PLCG2: variants seen among roughly 807,000 people sequenced by gnomAD.
The protein encoded by PLCG2 is phospholipase C gamma 2.
PLCG2 carries 69 observed loss-of-function variants against 175.6 expected under a neutral mutation model. The ratio of observed to expected loss-of-function variants is 0.39; its 90% CI spans 0.32 to 0.48. The LOEUF (loss-of-function observed/expected upper bound fraction) is 0.48, where lower values mean the gene tolerates loss of function less well. Among genes scored for constraint, PLCG2 ranks in the 20% least tolerant of loss-of-function variants. PLCG2 has a pLI of 0.91. For synonymous variants in PLCG2, 827 were observed against 624.0 expected (o/e 1.33, Z -4.85); for missense variants, 1,798 against 1,650.9 (o/e 1.09, Z -1.54).
intron 2 of PLCG2, among the ~76,000 whole-genome samples, chr16:81,818,883 A>ATGTTTTTTTTT (rs1904669462): frequency 1.9e-5 from 2 of 106,644 alleles, no homozygotes; most frequent in Non-Finnish European, 3.6e-5. Context: ...GGGCTCATGG[A>ATGTTTTTTTTT]TTTTTTTTTT....
intron 5 of PLCG2, among the ~76,000 whole-genome samples, chr16:81,861,109 C>G (rs1026503110): frequency 7.9e-5 from 12 of 152,146 alleles, no homozygotes; most frequent in Non-Finnish European, 1.3e-4. Flanking sequence ...ATTTGGCATG[C>G]CAGGGATTGC....
In PLCG2 at chr16:81,834,588, C is replaced by T. The variant is rs201949878; in HGVS notation, c.194-19856C>T. The stretch of plus-strand genomic sequence containing the variant: ...ACGTGGTTGATAGACCCTGGATCTG[C>T]AGAGCTGCTGCTGCTGCTGCTGCTG... On this transcript the variant is annotated intron_variant, in intron 2 of 32. Transcript: ENST00000564138. Among the ~76,000 whole-genome samples the T allele has an allele frequency of 3.6e-4, 31 of 85,058 alleles. No individual in the cohort carries two copies. The East Asian group carries it at 0.014, about 38-fold the overall frequency. 55.8% of individuals were successfully genotyped at this position (85,058 alleles called of 152,430 possible). A position where few individuals can be genotyped will look rare whatever the true frequency, so the allele number is the denominator to read the frequency against.
At chr16:81,902,173 C>G (rs1909179101) in intron 14 of PLCG2, among the ~76,000 whole-genome samples, 1 of 152,214 alleles carries the variant, frequency 6.6e-6, no homozygotes, top group African/African-American at 2.4e-5. Flanking sequence ...ACTGTGGAAT[C>G]TGAAGTCCCT....
At chr16:81,870,569 G>C (rs1377220270) in intron 6 of PLCG2, among the ~76,000 whole-genome samples, 1 of 152,214 alleles carries the variant, frequency 6.6e-6, no homozygotes, top group African/African-American at 2.4e-5. Flanking sequence ...GTGTCTCTGT[G>C]AGTATGTTTT....
At chr16:81,902,915 C>T (rs1375475901) in intron 14 of PLCG2, among the ~76,000 whole-genome samples, 1 of 152,162 alleles carries the variant, frequency 6.6e-6, no homozygotes, top group African/African-American at 2.4e-5. Context: ...AACCAGATCT[C>T]ATGAGATGTG....
At chr16:81,951,660 G>A (rs1000848075) in intron 31 of PLCG2, among the ~76,000 whole-genome samples, 12 of 152,142 alleles carry the variant, frequency 7.9e-5, no homozygotes, top group Admixed American at 3.3e-4. Context: ...AATGTCATGT[G>A]TGAATATAGA....
intron 31 of PLCG2, among the ~76,000 whole-genome samples, chr16:81,948,884 A>AACAG (rs1911258039): frequency 1.3e-5 from 2 of 152,214 alleles, no homozygotes; most frequent in Non-Finnish European, 1.5e-5. Context: ...ACACACCTGG[A>AACAG]ATAGATGGCT....
intron 31 of PLCG2, among the ~76,000 whole-genome samples, chr16:81,946,858 G>C (rs1397438214): frequency 1.3e-5 from 2 of 151,832 alleles, no homozygotes; most frequent in African/African-American, 4.8e-5. Flanking sequence ...CTGGGCTTTA[G>C]CAGAAGCCTT....
In PLCG2 at chr16:81,768,879, TTTTTTA is replaced by T. The variant is rs947656297; in HGVS notation, c.-48+12918_-48+12923del. On this transcript the variant is annotated intron_variant, in intron 2 of 5. Coordinates refer to the PLCG2 transcript ENST00000565054. ...ACCGTGCCCAGCCTATTGTCAGTGG[TTTTTTA>T]TTTTAACCATTTTAATAGGTGCGTA... Among the ~76,000 whole-genome samples the T allele has an allele frequency of 5.3e-5, 8 of 151,942 alleles. No individual in the cohort carries two copies. The South Asian group carries it at 8.3e-4, about 16-fold the overall frequency.
chr16:81,774,849 A>T (rs139093804), upstream of PLCG2, among the ~76,000 whole-genome samples: 4 of 151,260 alleles, frequency 2.6e-5, no homozygotes, highest in East Asian at 7.8e-4. Flanking sequence ...GGCTTAAGTG[A>T]TCCTCTTGCC....
At chr16:81,856,961 G>C (rs932042696) in intron 3 of PLCG2, among the ~76,000 whole-genome samples, 3 of 152,222 alleles carry the variant, frequency 2.0e-5, no homozygotes, top group African/African-American at 7.2e-5. Context: ...GCCTCCAGAA[G>C]CTGGGAAAGG....
At chr16:81,771,977 T>C (rs577933738) in intron 2 of PLCG2, among the ~76,000 whole-genome samples, 76 of 152,238 alleles carry the variant, frequency 5.0e-4, no homozygotes, top group African/African-American at 1.8e-3. Flanking sequence ...GAGACGGGGT[T>C]TCACCATGTT....
At position 81,962,583 on chromosome 16, in the gene PLCG2, A is replaced by G. The variant is rs1911815927; in HGVS notation, c.*4585A>G. The G allele has an allele frequency of 4.5e-6, 1 of 222,096 alleles. No individual in the cohort carries two copies. The highest frequency in any genetic ancestry group is 1.8e-4 in the South Asian group (1 of 5,430). 13.8% of individuals were successfully genotyped at this position (222,096 alleles called of 1,614,324 possible). On this transcript the variant is annotated 3_prime_UTR_variant, in exon 33 of 33. Transcript: ENST00000564138. ...TATAAATAGTATGTGCTTTGTGTAC[A>G]TAGAGAATTAAGTGAATGAGTCACA...
chr16:81,758,301 G>A (rs547838475), intron 2 of PLCG2, among the ~76,000 whole-genome samples: 1 of 152,204 alleles, frequency 6.6e-6, no homozygotes, highest in Non-Finnish European at 1.5e-5. Flanking sequence ...CATTTTCAAC[G>A]TTTATTCATT....
intron 17 of PLCG2, among the ~76,000 whole-genome samples, chr16:81,910,145 C>T (rs982370417): frequency 7.2e-5 from 11 of 152,130 alleles, no homozygotes; most frequent in African/African-American, 2.7e-4. Flanking sequence ...GGCTGGAGTG[C>T]AGTGGCGTGA....
At chr16:81,938,532 G>A (rs1017605938) in intron 28 of PLCG2, 2 of 488,520 alleles carry the variant, frequency 4.1e-6, no homozygotes, top group Admixed American at 3.6e-5. Context: ...GGGCATGGAT[G>A]TGTGCATTCA....
chr16:81,817,203 AG>A (rs1352794034), intron 2 of PLCG2, among the ~76,000 whole-genome samples: 2 of 151,940 alleles, frequency 1.3e-5, no homozygotes, highest in African/African-American at 4.8e-5. Flanking sequence ...GGCCTCTCTG[AG>A]GAGCTGATAT....
chr16:81,824,935 G>GGAA (rs1325563229), intron 2 of PLCG2, among the ~76,000 whole-genome samples: 14 of 152,224 alleles, frequency 9.2e-5, no homozygotes, highest in Admixed American at 2.6e-4. Context: ...CTTTAAAAGA[G>GGAA]GAAGGTAGGA....
chr16:81,812,894 G>C (rs569020328), intron 2 of PLCG2, among the ~76,000 whole-genome samples: 1 of 152,052 alleles, frequency 6.6e-6, no homozygotes, highest in Non-Finnish European at 1.5e-5. Flanking sequence ...TCTGCATATG[G>C]CTAGCTGGTT....
Sources: allele counts gnomAD v4.1 joint callset (sites outside exome capture counted in the v4.1 genomes callset), GRCh38; gene constraint gnomAD v4.1.1; transcripts MANE v1.5; gene names NCBI Gene and HGNC (gene_info 2026-07-23, HGNC 2026-07-21).